Variants in MYH2 observed in about 807,000 individuals in gnomAD.
The protein encoded by MYH2 is myosin heavy chain 2.
Under a neutral mutation model 228.1 loss-of-function variants are expected in MYH2, and 139 were observed. That is an observed-to-expected ratio of 0.61 (90% CI 0.53 to 0.70). The LOEUF is 0.70. MYH2 is among the 30% of genes least tolerant of loss of function. The pLI is 0.00. For missense variants in MYH2, 1,809 were observed against 2,357.5 expected, an observed-to-expected ratio of 0.77 and a Z score of 4.82; for synonymous variants, 796 against 871.1, an observed-to-expected ratio of 0.91 and a Z score of 1.52.
At chr17:10,543,244 T>C in intron 8 of MYH2, 83 bp from the exon 9 acceptor site, 1 of 1,046,658 alleles carries the variant, frequency 9.6e-7, no homozygotes, top group East Asian at 2.4e-5. Flanking sequence ...ATGCTGGTAC[T>C]TTAATATTAA....
At chr17:10,526,861 CT>C in intron 29 of MYH2, 66 bp from the exon 30 acceptor site, 1 of 1,613,320 alleles carries the variant, frequency 6.2e-7, no homozygotes, top group Non-Finnish European at 8.5e-7. Context: ...CTTTCAAAAC[CT>C]TTTGAAAGCT....
At chr17:10,536,042 A>T (rs553072406) in intron 17 of MYH2, among the ~76,000 whole-genome samples, 154 of 152,310 alleles carry the variant, frequency 1.0e-3, no homozygotes, top group Non-Finnish European at 1.9e-3. Context: ...TCTATAAAAT[A>T]TTTCTCATTA....
intron 8 of MYH2, 115 bp from the exon 9 acceptor site, chr17:10,543,276 A>G (rs553310527): frequency 1.9e-5 from 15 of 806,662 alleles, no homozygotes; most frequent in Non-Finnish European, 2.8e-5. Context: ...GAGTATTTGC[A>G]TCAGGTAGAA....
rs745357669 is a variant in MYH2 at position 10,531,698 on chromosome 17, C to T, written c.2632G>A (p.Glu878Lys). ...ELAKSEAKRK[E>K]LEEKMVTLLK... ...AGCGTCACCATCTTTTCTTCCAGTT[C>T]CTTCCTTTTTGCCTCTGACTTGGCA... Residue 878 changes from glutamate to lysine, a missense_variant, in exon 22 of 40, where the codon GAA becomes AAA. This residue lies in a region of MYH2 where 276 missense variants were observed against 344.2 expected (regional missense o/e 0.80). Transcript: ENST00000245503. 8.7e-6 allele frequency: 14 copies of T among 1,614,158 alleles called. No individual in the cohort carries two copies. The East Asian group carries it at 3.1e-4, about 36-fold the overall frequency.
At position 10,543,802 on chromosome 17, in the gene MYH2, C is replaced by T. The variant is rs2073590583; in HGVS notation, c.650G>A (p.Gly217Glu). The T allele has an allele frequency of 6.2e-7, 1 of 1,614,018 alleles. No individual in the cohort carries two copies. The highest frequency in any genetic ancestry group is 8.5e-7 in the Non-Finnish European group (1 of 1,180,012). Residue 217 changes from glycine to glutamate, a missense_variant and splice_region_variant, in exon 8 of 40, where the codon GGG (glycine) becomes GAG (glutamate). Coordinates refer to ENST00000245503, the MANE Select transcript of MYH2 (RefSeq NM_017534.6). ...ACTGATGATTTGATCTTCCAGAGTC[C>T]CCTGCAAAGGCAAGAGCAGTCCTTG... is the stretch of plus-strand genomic sequence containing the variant. ...KEEITSGKIQ[G>E]TLEDQIISAN...
In MYH2 at chr17:10,525,685, G is replaced by C. The variant is rs368534809; in HGVS notation, c.4371+8C>G. The stretch of plus-strand genomic sequence containing the variant: ...AGAGTAAAGAGCAGAAGATGCTGGA[G>C]GAATTACCTTATCGAAGTTCCTTTG... On this transcript the variant is annotated splice_region_variant and intron_variant, in intron 31 of 39. Coordinates refer to ENST00000245503, the MANE Select transcript of MYH2 (RefSeq NM_017534.6). The surrounding 1 kb of genome is among the most constrained non-coding windows in gnomAD (Gnocchi z 4.2). The C allele has an allele frequency of 1.1e-5, 17 of 1,614,072 alleles. No homozygotes were observed. In the South Asian group the frequency reaches 1.3e-4, roughly 13 times the overall value.
In MYH2 at chr17:10,523,093, C is replaced by A. The variant is rs1395862858; in HGVS notation, c.5670G>T (p.Glu1890Asp). ...KVKSYKRQAE[E>D]AEEQSNTNLA... is the part of the protein sequence containing the mutation. The stretch of plus-strand genomic sequence containing the variant: ...CTTCAATCTTAAAAATACTTACAGC[C>A]TCCTCAGCTTGTCTCTTATAAGATT... Residue 1890 changes from glutamate to aspartate, a missense_variant, in exon 39 of 40, where the codon GAG becomes GAT. Transcript: ENST00000245503. 1.9e-6 allele frequency: 3 copies of A among 1,606,434 alleles called. No individual in the cohort carries two copies. In the South Asian group the frequency reaches 3.3e-5, roughly 18 times the overall value.
At chr17:10,544,246 G>T in intron 5 of MYH2, 119 bp from the exon 6 acceptor site, 1 of 1,309,552 alleles carries the variant, frequency 7.6e-7, no homozygotes, top group Non-Finnish European at 1.1e-6. Context: ...TTTAGGGCTT[G>T]GCAGGCTTTA....
rs2073402131 is a variant in MYH2 at position 10,529,743 on chromosome 17, A to G, written c.2941-3T>C. On this transcript the variant is annotated splice_region_variant and splice_polypyrimidine_tract_variant and intron_variant, in intron 23 of 39. Transcript: ENST00000245503. ...ATCTCTTCTGTGAGGTTTTTCACCT[A>G]CAAAGGTGAAGAAAGCAGTTTAGTT... is the stretch of plus-strand genomic sequence containing the variant. The G allele has an allele frequency of 1.2e-6, 2 of 1,613,894 alleles. No homozygotes were observed. The highest frequency in any genetic ancestry group is 1.3e-5 in the African/African-American group (1 of 74,780).
Position 10,526,750 on chromosome 17 carries a change from A to G in MYH2, c.4036T>C (p.Cys1346Arg), listed in dbSNP as rs1416163148. Residue 1346 changes from cysteine to arginine, a missense_variant, in exon 30 of 40, where the codon TGT becomes CGT. Around this residue, in one of 9 missense-constraint regions of MYH2, gnomAD observed 636 missense variants for 729.9 expected, o/e 0.87. Transcript: ENST00000245503. ...AHALQSSRHDCDLLREQYEEE... is the reference protein window; with the variant it reads ...AHALQSSRHDRDLLREQYEEE... The stretch of plus-strand genomic sequence containing the variant: ...TCATACTGTTCCCGCAGCAGGTCAC[A>G]GTCGTGGCGGGAAGACTGCAGGGCA... The G allele has an allele frequency of 1.2e-6, 2 of 1,614,234 alleles. No homozygotes were observed. The highest frequency in any genetic ancestry group is 1.7e-6 in the Non-Finnish European group (2 of 1,180,038).
chr17:10,529,196 C>T lies in MYH2; in HGVS notation c.3320G>A (p.Gly1107Asp), dbSNP rs528321409. The change falls in exon 26 of 40, where the codon GGC becomes GAC. Residue 1107 changes from glycine (G) to aspartate (D), a missense_variant. Transcript: ENST00000245503. ...TTTAATTTTCTTCTGCAATTGAATG[C>T]CAAGTGCCTGTTCATCTTCAATCTT... ...QSKIEDEQAL[G>D]IQLQKKIKEL... The T allele has an allele frequency of 6.2e-7, 1 of 1,614,206 alleles. No homozygotes were observed. The highest frequency in any genetic ancestry group is 2.2e-5 in the East Asian group (1 of 44,890).
chr17:10,535,897 C>T (rs2073477210), intron 17 of MYH2, among the ~76,000 whole-genome samples: 1 of 152,200 alleles, frequency 6.6e-6, no homozygotes, highest in South Asian at 2.1e-4. Context: ...ATTAGCTGCA[C>T]TGCAGATTTG....
At chr17:10,540,217 C>T (rs539777890) in intron 11 of MYH2, 151 bp from the exon 12 acceptor site, 1 of 1,033,422 alleles carries the variant, frequency 9.7e-7, no homozygotes, top group East Asian at 2.4e-5. Flanking sequence ...GTTGGTCAAC[C>T]AAAGGCCAGC....
At position 10,529,215 on chromosome 17, in the gene MYH2, C is replaced by T; in HGVS notation, c.3301G>A (p.Glu1101Lys). The T allele has an allele frequency of 6.2e-7, 1 of 1,614,238 alleles. No individual in the cohort carries two copies. The highest frequency in any genetic ancestry group is 1.1e-5 in the South Asian group (1 of 91,076). ...TGAATGCCAAGTGCCTGTTCATCTT[C>T]AATCTTGCTTTGCAGATTGCTGATT... ...FEISNLQSKIEDEQALGIQLQ... is the reference protein window; with the variant it reads ...FEISNLQSKIKDEQALGIQLQ... The change falls in exon 26 of 40, where the codon GAA becomes AAA. Residue 1101 changes from glutamate to lysine, a missense_variant. Glu to Lys is a moderately conservative substitution (Grantham distance 56). This residue lies in a region of MYH2 where 636 missense variants were observed against 729.9 expected (regional missense o/e 0.87). Coordinates refer to ENST00000245503, the MANE Select transcript of MYH2 (RefSeq NM_017534.6).
At position 10,539,187 on chromosome 17, in the gene MYH2, A is replaced by G; in HGVS notation, c.1416+18T>C. The G allele has an allele frequency of 1.2e-6, 2 of 1,614,024 alleles. No homozygotes were observed. On this transcript the variant is annotated intron_variant, in intron 14 of 39. Coordinates refer to ENST00000245503, the MANE Select transcript of MYH2 (RefSeq NM_017534.6). ...TGCCTTACTGTAAAATCCTCTCACC[A>G]ATCAGCTACAAACTCACATCAAAAA...
intron 39 of MYH2, among the ~76,000 whole-genome samples, chr17:10,521,835 T>G (rs776763987): frequency 6.6e-6 from 1 of 152,160 alleles, no homozygotes; most frequent in Non-Finnish European, 1.5e-5. Context: ...GAAATAAATA[T>G]TGGATTTTGT....
At chr17:10,529,306 C>A (rs548292683) in intron 25 of MYH2, 30 bp downstream of exon 25, 4 of 1,613,850 alleles carry the variant, frequency 2.5e-6, no homozygotes, top group South Asian at 2.2e-5. Flanking sequence ...ATGTTGGAAG[C>A]AAATCCATAA....
chr17:10,548,656 A>G (rs1160910220), intron 2 of MYH2, among the ~76,000 whole-genome samples: 1 of 152,164 alleles, frequency 6.6e-6, no homozygotes, highest in Non-Finnish European at 1.5e-5. Flanking sequence ...AGGGATAAAA[A>G]CAGTAGCCAA....
chr17:10,525,537 C>T lies in MYH2; in HGVS notation c.4451G>A (p.Gly1484Asp), dbSNP rs1372053935. Residue 1484 changes from glycine (G) to aspartate (D), a missense_variant, in exon 32 of 40, where the codon GGC becomes GAC. Gly to Asp is a moderately conservative substitution (Grantham distance 94, BLOSUM62 -1). Around this residue, in one of 9 missense-constraint regions of MYH2, gnomAD observed 636 missense variants for 729.9 expected, o/e 0.87. Transcript: ENST00000245503. The surrounding 1 kb of genome is among the most constrained non-coding windows in gnomAD (Gnocchi z 4.2). ...ATTCTTTATCTTGAACAGCTCAGTG[C>T]CAAGGGAACGGGCCTCCTTCTGGGA... The part of the protein sequence containing the change: ...EASQKEARSL[G>D]TELFKIKNAY... 5.6e-6 allele frequency: 9 copies of T among 1,614,172 alleles called. No homozygotes were observed. Among genetic ancestry groups the T allele is most frequent in the Non-Finnish European group, 6.8e-6 (8 of 1,180,030 alleles).
Sources: allele counts gnomAD v4.1 joint callset (sites outside exome capture counted in the v4.1 genomes callset), GRCh38; gene constraint gnomAD v4.1.1; regional missense constraint gnomAD v4.1.1; non-coding constraint Gnocchi (gnomAD v3.1); transcripts MANE v1.5; gene names NCBI Gene and HGNC (gene_info 2026-07-23, HGNC 2026-07-21).